Variants in CNTNAP2 observed in about 807,000 individuals in gnomAD.
CNTNAP2 encodes the protein contactin-associated protein-like 2.
Under a neutral mutation model 155.2 loss-of-function variants are expected in CNTNAP2, and 98 were observed. The observed-to-expected ratio is 0.63, with a 90% CI of 0.54 to 0.75. The LOEUF (loss-of-function observed/expected upper bound fraction) is 0.75. CNTNAP2 is among the 30% of genes least tolerant of loss of function. The probability of loss-of-function intolerance (pLI) is 0.00; values close to 1 mark genes in which losing one functional copy is unlikely to be tolerated. For missense variants in CNTNAP2, 1,727 were observed against 1,688.1 expected (o/e 1.02, Z -0.40); for synonymous variants, 651 against 631.2 (o/e 1.03, Z -0.47).
chr7:146,963,111 G>A (rs1312928248), intron 3 of CNTNAP2: 1 of 152,204 alleles, frequency 6.6e-6, no homozygotes, highest in African/African-American at 2.4e-5. Context: ...CACCACGGAG[G>A]ACTGATGAGA....
chr7:146,408,209 A>G (rs575948037), intron 1 of CNTNAP2, among the ~76,000 whole-genome samples: 1 of 152,322 alleles, frequency 6.6e-6, no homozygotes, highest in East Asian at 1.9e-4. Flanking sequence ...AATTGCTTCA[A>G]GCAAAATTAA....
chr7:147,927,087 T>C (rs145869976), intron 14 of CNTNAP2, among the ~76,000 whole-genome samples: 173 of 152,330 alleles, frequency 1.1e-3, no homozygotes, highest in Non-Finnish European at 1.8e-3. Flanking sequence ...AACAATTGCG[T>C]ATATTACAGA....
intron 21 of CNTNAP2, among the ~76,000 whole-genome samples, chr7:148,368,637 G>T (rs990948073): frequency 2.0e-5 from 3 of 151,132 alleles, no homozygotes; most frequent in Non-Finnish European, 2.9e-5. Flanking sequence ...GAAGGAAGAG[G>T]TTTATTCAGC....
chr7:147,753,137 C>G (rs527678208), intron 13 of CNTNAP2, among the ~76,000 whole-genome samples: 3 of 152,280 alleles, frequency 2.0e-5, no homozygotes, highest in East Asian at 1.9e-4. Context: ...TGATTTGAAC[C>G]TAGTCTTTAA....
chr7:147,697,010 G>T (rs1470743434), intron 13 of CNTNAP2, among the ~76,000 whole-genome samples: 2 of 151,948 alleles, frequency 1.3e-5, no homozygotes, highest in Non-Finnish European at 2.9e-5. Context: ...ATCCTGCTTG[G>T]TTTCCTTTGA....
At chr7:147,377,491 T>C (rs574983885) in intron 9 of CNTNAP2, among the ~76,000 whole-genome samples, 2 of 152,060 alleles carry the variant, frequency 1.3e-5, no homozygotes, top group East Asian at 3.9e-4. Context: ...TCTGTTATTA[T>C]GTCATCTTGT....
chr7:146,815,879 A>G (rs1375201921), intron 2 of CNTNAP2, among the ~76,000 whole-genome samples: 2 of 152,056 alleles, frequency 1.3e-5, no homozygotes, highest in African/African-American at 4.8e-5. Flanking sequence ...CATTTACATT[A>G]GGTATTTCTC....
chr7:146,539,935 T>G (rs904106295), intron 1 of CNTNAP2, among the ~76,000 whole-genome samples: 6 of 152,018 alleles, frequency 3.9e-5, no homozygotes, highest in Non-Finnish European at 8.8e-5. Flanking sequence ...AAGCCTGTCA[T>G]GGTAAAGAAG....
intron 3 of CNTNAP2, among the ~76,000 whole-genome samples, chr7:146,860,809 T>C (rs925444001): frequency 3.3e-5 from 5 of 152,002 alleles, no homozygotes; most frequent in African/African-American, 1.2e-4. Flanking sequence ...AAAATATGTA[T>C]ACCAGGGTCT....
chr7:148,139,126 G>A (rs1435764637), intron 16 of CNTNAP2, among the ~76,000 whole-genome samples: 3 of 152,098 alleles, frequency 2.0e-5, no homozygotes, highest in African/African-American at 4.8e-5. Flanking sequence ...AGAGGTTATC[G>A]AGATACCAGA....
intron 10 of CNTNAP2, among the ~76,000 whole-genome samples, chr7:147,452,961 G>A (rs1797858685): frequency 6.6e-6 from 1 of 150,576 alleles, no homozygotes; most frequent in African/African-American, 2.4e-5. Flanking sequence ...GGGAGGGAGG[G>A]GGAAGGAAAG....
At chr7:148,074,560 G>C (rs565008755) in intron 15 of CNTNAP2, among the ~76,000 whole-genome samples, 1 of 152,054 alleles carries the variant, frequency 6.6e-6, no homozygotes, top group African/African-American at 2.4e-5. Context: ...GTGGTGGCAG[G>C]TGCCTGTAAT....
chr7:147,673,788 A>G (rs4486105), intron 13 of CNTNAP2, among the ~76,000 whole-genome samples: 2,493 of 152,288 alleles, frequency 0.016, 220 homozygotes, highest in Admixed American at 0.15. Context: ...AATAATAGGA[A>G]TTTAAATGAA....
chr7:147,261,325 C>A (rs1010344759), intron 8 of CNTNAP2, among the ~76,000 whole-genome samples: 6 of 152,128 alleles, frequency 3.9e-5, no homozygotes, highest in African/African-American at 1.4e-4. Context: ...CCTTACTAAG[C>A]AAATTTCTCA....
intron 9 of CNTNAP2, among the ~76,000 whole-genome samples, chr7:147,351,466 A>G (rs545609793): frequency 6.6e-6 from 1 of 151,878 alleles, no homozygotes; most frequent in African/African-American, 2.4e-5. Flanking sequence ...GAATTTCACA[A>G]TAATAGCTGT....
At chr7:147,401,579 G>A (rs1178657958) in intron 10 of CNTNAP2, among the ~76,000 whole-genome samples, 1 of 152,138 alleles carries the variant, frequency 6.6e-6, no homozygotes, top group African/African-American at 2.4e-5. Context: ...AGTCAAGAAG[G>A]ATGATATGGT....
At chr7:147,933,494 GAGATAGATAGATAGATAGAT>G (rs71183037) in intron 14 of CNTNAP2, among the ~76,000 whole-genome samples, 6 of 120,720 alleles carry the variant, frequency 5.0e-5, no homozygotes, top group African/African-American at 1.4e-4. Context: ...CAGAAAATGT[GAGATAGATAGATAGATAGAT>G]AGATAGATAG....
At chr7:147,095,186 A>ATTTTTTTTTTT (rs36113270) in intron 4 of CNTNAP2, among the ~76,000 whole-genome samples, 4 of 114,520 alleles carry the variant, frequency 3.5e-5, no homozygotes, top group Non-Finnish European at 3.6e-5. Context: ...CGCCTGGCTA[A>ATTTTTTTTTTT]TTTTTTTTTT....
At chr7:147,918,198 G>A (rs1411625243) in intron 14 of CNTNAP2, among the ~76,000 whole-genome samples, 1 of 152,206 alleles carries the variant, frequency 6.6e-6, no homozygotes, top group African/African-American at 2.4e-5. Context: ...AGGAGGTCAA[G>A]CACCATACCT....
Sources: allele counts gnomAD v4.1 joint callset (sites outside exome capture counted in the v4.1 genomes callset), GRCh38; gene constraint gnomAD v4.1.1; transcripts MANE v1.5; gene names NCBI Gene and HGNC (gene_info 2026-07-23, HGNC 2026-07-21).